Variants in SPATS2 observed in about 807,000 individuals in gnomAD.
The protein encoded by SPATS2 is spermatogenesis associated serine rich 2.
SPATS2 carries 38 observed loss-of-function variants against 63.7 expected under a neutral mutation model. That is an observed-to-expected ratio of 0.60 (90% CI 0.46 to 0.78). The LOEUF is 0.78. Ranked by LOEUF, SPATS2 falls within the 30% of genes least tolerant of loss-of-function variation. The pLI is 0.00. For missense variants in SPATS2, 588 were observed against 666.2 expected, an observed-to-expected ratio of 0.88 and a Z score of 1.29; for synonymous variants, 207 against 232.9, an observed-to-expected ratio of 0.89 and a Z score of 1.01.
chr12:49,508,572 C>T (rs893161139), intron 9 of SPATS2, among the ~76,000 whole-genome samples: 1 of 152,148 alleles, frequency 6.6e-6, no homozygotes, highest in African/African-American at 2.4e-5. Flanking sequence ...GGGCTTAACA[C>T]CCCAGCCATT....
chr12:49,514,526 CTT>C (rs1169162094), intron 9 of SPATS2, 27 bp from the exon 10 acceptor site: 7 of 1,604,628 alleles, frequency 4.4e-6, no homozygotes, highest in African/African-American at 2.7e-5. Flanking sequence ...TCTGATCAAA[CTT>C]TTTATTCCTT....
At chr12:49,424,029 T>C (rs1945029648) in intron 2 of SPATS2, among the ~76,000 whole-genome samples, 1 of 151,936 alleles carries the variant, frequency 6.6e-6, no homozygotes, top group African/African-American at 2.4e-5. Flanking sequence ...ATGGCGAAAC[T>C]CCATTTCTAC....
At chr12:49,395,712 C>T (rs184093323) in intron 2 of SPATS2, among the ~76,000 whole-genome samples, 282 of 152,322 alleles carry the variant, frequency 1.9e-3, no homozygotes, top group African/African-American at 6.4e-3. Flanking sequence ...AGGCATGAGC[C>T]ACTGTGCCCG....
chr12:49,512,418 G>T (rs1026745796), intron 9 of SPATS2, among the ~76,000 whole-genome samples: 7 of 152,064 alleles, frequency 4.6e-5, no homozygotes, highest in African/African-American at 1.7e-4. Context: ...CATGGTAGCT[G>T]GATATATTAT....
At chr12:49,505,094 C>T (rs892729358) in intron 9 of SPATS2, among the ~76,000 whole-genome samples, 3 of 151,780 alleles carry the variant, frequency 2.0e-5, no homozygotes, top group African/African-American at 7.3e-5. Flanking sequence ...TTAAATCAAG[C>T]TTAGTCTTAC....
intron 3 of SPATS2, among the ~76,000 whole-genome samples, chr12:49,471,249 C>T (rs886798286): frequency 1.3e-5 from 2 of 152,188 alleles, no homozygotes; most frequent in African/African-American, 4.8e-5. Flanking sequence ...TTATGGTGGT[C>T]TGTTTAGCCT....
At chr12:49,385,231 A>T (rs543611509) in intron 2 of SPATS2, among the ~76,000 whole-genome samples, 1 of 152,118 alleles carries the variant, frequency 6.6e-6, no homozygotes, top group South Asian at 2.1e-4. Context: ...GCAGATATTA[A>T]GCGAAGGAGT....
At chr12:49,373,821 A>T (rs1350217072) in intron 2 of SPATS2, among the ~76,000 whole-genome samples, 2 of 152,266 alleles carry the variant, frequency 1.3e-5, no homozygotes, top group East Asian at 1.9e-4. Context: ...GCTACTCGGG[A>T]GGCAGAAGAA....
chr12:49,520,066 G>A (rs1163628685), intron 11 of SPATS2, among the ~76,000 whole-genome samples: 2 of 150,996 alleles, frequency 1.3e-5, no homozygotes, highest in East Asian at 3.9e-4. Flanking sequence ...CGCAACCTCC[G>A]CCTCCCCGGT....
In SPATS2 at chr12:49,519,192, C is replaced by G; in HGVS notation, c.1008+10C>G. 3 of 1,601,128 alleles carry G rather than the reference C, an allele frequency of 1.9e-6. No homozygotes were observed. The highest frequency in any genetic ancestry group is 2.6e-6 in the Non-Finnish European group (3 of 1,171,346). On this transcript the variant is annotated intron_variant, in intron 11 of 13. Coordinates refer to ENST00000552918, the MANE Select transcript of SPATS2 (RefSeq NM_023071.4). ...CAGAGCTGATATCAAGGTAAAACTTCTTTCTGCTTTCTGCCTTTCTTCTTA... is the reference window on the plus strand; with the variant it reads ...CAGAGCTGATATCAAGGTAAAACTTGTTTCTGCTTTCTGCCTTTCTTCTTA...
chr12:49,441,241 A>G (rs1429376435), intron 2 of SPATS2, among the ~76,000 whole-genome samples: 3 of 152,048 alleles, frequency 2.0e-5, no homozygotes, highest in Admixed American at 2.0e-4. Context: ...ATTAGTACTT[A>G]TTTCTAAGTA....
chr12:49,477,962 CTTTT>C (rs1002916907), intron 3 of SPATS2, among the ~76,000 whole-genome samples: 8 of 105,250 alleles, frequency 7.6e-5, no homozygotes, highest in South Asian at 3.1e-4. Context: ...GTGGTTTTGT[CTTTT>C]TTTTTTTTTT....
chr12:49,403,633 AC>A (rs1197367658), intron 2 of SPATS2, among the ~76,000 whole-genome samples: 2 of 150,500 alleles, frequency 1.3e-5, no homozygotes, highest in African/African-American at 5.0e-5. Flanking sequence ...ACACACACAC[AC>A]ACACACAAAC....
At chr12:49,462,704 G>A (rs966369758) in intron 3 of SPATS2, 1 of 539,710 alleles carries the variant, frequency 1.9e-6, no homozygotes, top group African/African-American at 1.9e-5. Context: ...AAAGGGGTTG[G>A]TGGGGTGCGG....
chr12:49,477,926 A>G (rs1946144711), intron 3 of SPATS2, among the ~76,000 whole-genome samples: 1 of 141,390 alleles, frequency 7.1e-6, no homozygotes, highest in African/African-American at 2.6e-5. Flanking sequence ...AATTAAAGTT[A>G]GTGGCATCTT....
At position 49,387,588 on chromosome 12, in the gene SPATS2, G is replaced by A. The variant is rs552097035; in HGVS notation, c.-244+16298G>A. ...GGAGGTTGAGGTTGCAGTGAGCTGAGATCACGCCACTGCACACTCCAGCCT... is the reference window on the plus strand; with the variant it reads ...GGAGGTTGAGGTTGCAGTGAGCTGAAATCACGCCACTGCACACTCCAGCCT... On this transcript the variant is annotated intron_variant, in intron 2 of 13. Coordinates refer to ENST00000552918, the MANE Select transcript of SPATS2 (RefSeq NM_023071.4). Among the ~76,000 whole-genome samples the A allele has an allele frequency of 1.2e-3, 168 of 143,568 alleles. 2 individuals carry two copies. The highest frequency in any genetic ancestry group is 8.2e-3 in the Admixed American group (112 of 13,640). The allele number at this position is 143,568 out of a possible 152,430, so 94.2% of individuals were successfully genotyped here. A position where few individuals can be genotyped will look rare whatever the true frequency, so the allele number is the denominator to read the frequency against.
At chr12:49,387,867 A>G (rs1392640320) in intron 2 of SPATS2, among the ~76,000 whole-genome samples, 4 of 152,082 alleles carry the variant, frequency 2.6e-5, no homozygotes, top group Non-Finnish European at 4.4e-5. Context: ...GGAGTATCTT[A>G]CTGCAGGTGT....
chr12:49,513,906 C>G (rs1394880501), intron 9 of SPATS2, among the ~76,000 whole-genome samples: 2 of 152,060 alleles, frequency 1.3e-5, no homozygotes, highest in East Asian at 3.9e-4. Context: ...CCTGTAATCC[C>G]AGCACTTTGG....
intron 2 of SPATS2, among the ~76,000 whole-genome samples, chr12:49,457,903 A>G (rs1049387514): frequency 3.9e-5 from 6 of 152,128 alleles, no homozygotes; most frequent in Non-Finnish European, 8.8e-5. Flanking sequence ...TGGTTCTCAC[A>G]GCTTGGCTCA....
Sources: gnomAD v4.1 joint callset for allele counts (sites outside exome capture counted in the v4.1 genomes callset) on GRCh38, gnomAD v4.1.1 for gene constraint, MANE v1.5 for transcripts, NCBI Gene and HGNC (gene_info 2026-07-23, HGNC 2026-07-21) for gene names.